Variants in HERC2 observed in about 807,000 individuals in gnomAD.
HERC2 encodes the protein HECT and RLD domain containing E3 ubiquitin protein ligase 2, also known as E3 ubiquitin-protein ligase HERC2.
In HERC2, 102 loss-of-function variants were observed where a neutral mutation model predicts 537.7. The observed-to-expected ratio is 0.19, with a 90% CI of 0.16 to 0.22. HERC2 has a LOEUF of 0.22. Among genes scored for constraint, HERC2 ranks in the 10% least tolerant of loss-of-function variants. The pLI is 1.00. For missense variants in HERC2, 4,236 were observed against 6,198.2 expected (o/e 0.68, Z 10.63); for synonymous variants, 2,224 against 2,466.2 (o/e 0.90, Z 2.91).
At position 28,116,835 on chromosome 15, in the gene HERC2, C is replaced by T; in HGVS notation, c.13439G>A (p.Gly4480Asp). The T allele has an allele frequency of 6.2e-7, 1 of 1,612,810 alleles. No individual in the cohort carries two copies. The change falls in exon 88 of 93, where the codon GGC (glycine) becomes GAC (aspartate). Residue 4480 changes from glycine (G) to aspartate (D), a missense_variant. Physicochemically the swap from Gly to Asp is moderately conservative, Grantham distance 94. Around this residue, in one of 27 missense-constraint regions of HERC2, gnomAD observed 29 missense variants for 102.1 expected, o/e 0.28. Transcript: ENST00000261609. ...FVGESVDDCG[G>D]GYSESIAEIC... ...CTCAGCTATGGACTCGCTGTAGCCG[C>T]CCCCACAGTCATCCACAGATTCACC... is the stretch of plus-strand genomic sequence containing the variant.
intron 8 of HERC2, among the ~76,000 whole-genome samples, chr15:28,272,647 T>C (rs2075767906): frequency 1.3e-5 from 2 of 149,760 alleles, no homozygotes; most frequent in Non-Finnish European, 3.0e-5. Context: ...CTTAAATTCA[T>C]GGAATAAAAA....
intron 20 of HERC2, among the ~76,000 whole-genome samples, chr15:28,252,292 G>C (rs1208352824): frequency 6.6e-6 from 1 of 151,866 alleles, no homozygotes; most frequent in Middle Eastern, 3.2e-3. Context: ...CGGTGCACGG[G>C]AACATTCTGG....
intron 23 of HERC2, among the ~76,000 whole-genome samples, chr15:28,241,818 T>C (rs1903156299): frequency 6.6e-6 from 1 of 151,704 alleles, no homozygotes; most frequent in East Asian, 1.9e-4. Flanking sequence ...AGACTCTGTC[T>C]CAAAAAAAAT....
intron 69 of HERC2, among the ~76,000 whole-genome samples, chr15:28,155,520 T>C (rs914241732): frequency 6.6e-6 from 1 of 152,088 alleles, no homozygotes; most frequent in African/African-American, 2.4e-5. Context: ...TGGCCAGTGA[T>C]GATGAGCATT....
chr15:28,116,871 A>G lies in HERC2; in HGVS notation c.13415-12T>C. 6.2e-7 allele frequency: 1 copy of G among 1,609,070 alleles called. No individual in the cohort carries two copies. The highest frequency in any genetic ancestry group is 2.2e-5 in the East Asian group (1 of 44,802). ...ATCCACAGATTCACCTGCAGGGGAG[A>G]AGCAGCCACTCGAAGTCCCCTCACA... On this transcript the variant is annotated splice_polypyrimidine_tract_variant and intron_variant, in intron 87 of 92. Transcript: ENST00000261609.
At position 28,121,292 on chromosome 15, in the gene HERC2, C is replaced by T. The variant is rs78809959; in HGVS notation, c.13272+54G>A. 5.8e-3 allele frequency: 8,779 copies of T among 1,523,882 alleles called. 431 individuals carry two copies. The African/African-American group carries it at 0.11, about 19-fold the overall frequency. 94.4% of individuals were successfully genotyped at this position (1,523,882 alleles called of 1,614,324 possible). ...GCTCTCGTCCCAGCCCAGGTACCCA[C>T]GAAAGCATCACTTCTAAGGCTGTCA... On this transcript the variant is annotated intron_variant, in intron 86 of 92. Transcript: ENST00000261609.
intron 48 of HERC2, among the ~76,000 whole-genome samples, chr15:28,199,197 T>C (rs1469888832): frequency 6.6e-6 from 1 of 152,124 alleles, no homozygotes; most frequent in Non-Finnish European, 1.5e-5. Flanking sequence ...CTAAGTATTA[T>C]TTAATGATAA....
At chr15:28,119,727 T>G (rs964817918) in intron 86 of HERC2, among the ~76,000 whole-genome samples, 6 of 152,132 alleles carry the variant, frequency 3.9e-5, no homozygotes, top group Admixed American at 3.9e-4. Flanking sequence ...GTGCTGGGAT[T>G]ACAGGCATGA....
At chr15:28,240,602 A>G (rs978947914) in intron 23 of HERC2, among the ~76,000 whole-genome samples, 3 of 152,346 alleles carry the variant, frequency 2.0e-5, no homozygotes, top group East Asian at 3.9e-4. Context: ...CACAGTGCTA[A>G]TAAGTATTCA....
rs1237938412 is a variant in HERC2, at chr15:28,175,557, C to T, written c.9786G>A (p.Val3262=). Residue 3262 remains valine, a synonymous_variant, in exon 64 of 93, where the codon GTG becomes GTA. Transcript: ENST00000261609. ...CCAGGCAGTGCAGGGCCCCGACAGCCACATGCACGATCTTCTTCCCTCTCA... is the reference window on the plus strand; with the variant it reads ...CCAGGCAGTGCAGGGCCCCGACAGCTACATGCACGATCTTCTTCCCTCTCA... ...EGLRGKKIVH[V]AVGALHCLAV... 1 of 1,614,034 alleles carries T rather than the reference C, an allele frequency of 6.2e-7. No individual in the cohort carries two copies. Among genetic ancestry groups the T allele is most frequent in the Non-Finnish European group, 8.5e-7 (1 of 1,179,924 alleles).
chr15:28,308,229 C>T (rs1210071162), intron 2 of HERC2, among the ~76,000 whole-genome samples: 1 of 152,156 alleles, frequency 6.6e-6, no homozygotes, highest in African/African-American at 2.4e-5. Flanking sequence ...TAATGTCTTT[C>T]ATCAGCGTTT....
In HERC2 at chr15:28,274,302, G is replaced by A. The variant is rs368571271; in HGVS notation, c.789C>T (p.Ser263=). The A allele has an allele frequency of 9.5e-5, 154 of 1,614,176 alleles. No individual in the cohort carries two copies. The highest frequency in any genetic ancestry group is 3.5e-4 in the African/African-American group (26 of 75,062). ...AGGAAAGAACTCACCCCGTCACGAC[G>A]GACCTGAGGAACCTGGTCGCTCTCT... ...VVERATRFLR[S]VVTGDVHGTP... Residue 263 remains serine, a synonymous_variant, in exon 7 of 93, where the codon TCC becomes TCT. Transcript: ENST00000261609.
At chr15:28,288,168 T>G (rs2076210909) in intron 4 of HERC2, among the ~76,000 whole-genome samples, 1 of 152,082 alleles carries the variant, frequency 6.6e-6, no homozygotes, top group Non-Finnish European at 1.5e-5. Flanking sequence ...ATCTTCAAAC[T>G]GAAGGAAAAC....
In HERC2 at chr15:28,132,828, G is replaced by A. The variant is rs201061030; in HGVS notation, c.12233C>T (p.Pro4078Leu). 105 of 1,533,484 alleles carry A rather than the reference G, an allele frequency of 6.8e-5. No individual in the cohort carries two copies. The highest frequency in any genetic ancestry group is 2.1e-4 in the Admixed American group (10 of 46,928). The allele number at this position is 1,533,484 out of a possible 1,614,324, so 95.0% of individuals were successfully genotyped here. A position where few individuals can be genotyped will look rare whatever the true frequency, so the allele number is the denominator to read the frequency against. The change falls in exon 80 of 93, where the codon CCG becomes CTG. Residue 4078 changes from proline to leucine, a missense_variant and splice_region_variant. Coordinates refer to ENST00000261609, the MANE Select transcript of HERC2 (RefSeq NM_004667.6). The stretch of plus-strand genomic sequence containing the variant: ...CTCGATGACACGAGGGCGGTCACAC[G>A]GACTGCAAAAAAGTCACCAAATATA... ...DGKLGHGNRS[P>L]CDRPRVIESL...
At position 28,292,529 on chromosome 15, in the gene HERC2, C is replaced by T. The variant is rs558685965; in HGVS notation, c.322+359G>A. On this transcript the variant is annotated intron_variant, in intron 4 of 92. Transcript: ENST00000261609. ...TTTACTGCTTCCTCAAACAGTTACA[C>T]GTAGTGCCAGGTGCGATGGCTCACA... Among the ~76,000 whole-genome samples the T allele has an allele frequency of 5.3e-4, 80 of 152,186 alleles. 1 individual carries two copies. In the South Asian group the frequency reaches 7.3e-3, roughly 14 times the overall value.
chr15:28,291,328 A>T lies in HERC2; in HGVS notation c.322+1560T>A, dbSNP rs574272509. Among the ~76,000 whole-genome samples the T allele has an allele frequency of 1.9e-3, 284 of 152,268 alleles. 1 individual carries two copies. The highest frequency in any genetic ancestry group is 6.6e-3 in the African/African-American group (276 of 41,552). Reference sequence around the variant, plus strand: ...CAGCCGCAAACTGCTGGCCTCAAGCAATTCTCTCACCTCAGCATCCCAAAG... The same window carrying T: ...CAGCCGCAAACTGCTGGCCTCAAGCTATTCTCTCACCTCAGCATCCCAAAG... On this transcript the variant is annotated intron_variant, in intron 4 of 92. Transcript: ENST00000261609.
In HERC2 at chr15:28,120,721, G is replaced by C. The variant is rs80302374; in HGVS notation, c.13272+625C>G. ...ACATGAACTGTTATAACCTATAATC[G>C]GATGTATCATCAAATTGTCACTGGG... On this transcript the variant is annotated intron_variant, in intron 86 of 92. Coordinates refer to ENST00000261609, the MANE Select transcript of HERC2 (RefSeq NM_004667.6). Among the ~76,000 whole-genome samples the C allele has an allele frequency of 3.8e-3, 584 of 152,278 alleles. 1 individual carries two copies. Among genetic ancestry groups the C allele is most frequent in the African/African-American group, 0.013 (556 of 41,540 alleles).
chr15:28,238,041 A>G, intron 25 of HERC2, 73 bp downstream of exon 25: 2 of 924,670 alleles, frequency 2.2e-6, no homozygotes, highest in Non-Finnish European at 3.6e-6. Flanking sequence ...TTCTAGATCC[A>G]AATATTCCTA....
At position 28,177,957 on chromosome 15, in the gene HERC2, T is replaced by A. The variant is rs1388550452; in HGVS notation, c.9164-448A>T. On this transcript the variant is annotated intron_variant, in intron 59 of 92. Transcript: ENST00000261609. The surrounding 1 kb of genome is among the most constrained non-coding windows in gnomAD (Gnocchi z 5.0). ...TTCACTCTTCCCAAAACACGTCAGCTTATGCTCTTTCCCCAGCATGGAATA... is the reference window on the plus strand; with the variant it reads ...TTCACTCTTCCCAAAACACGTCAGCATATGCTCTTTCCCCAGCATGGAATA... 2.0e-5 allele frequency among the ~76,000 whole-genome samples: 3 copies of A among 152,204 alleles called. No individual in the cohort carries two copies. The highest frequency in any genetic ancestry group is 7.2e-5 in the African/African-American group (3 of 41,468).
Sources: gnomAD v4.1 joint callset for allele counts (sites outside exome capture counted in the v4.1 genomes callset) on GRCh38, gnomAD v4.1.1 for gene constraint, gnomAD v4.1.1 regional missense constraint, Gnocchi (gnomAD v3.1) non-coding constraint, MANE v1.5 for transcripts, NCBI Gene and HGNC (gene_info 2026-07-23, HGNC 2026-07-21) for gene names.